The following SCARA5 variants were observed in gnomAD, a reference collection of about 807,000 sequenced individuals.
SCARA5 encodes scavenger receptor class A member 5.
SCARA5 carries 45 observed loss-of-function variants against 46.3 expected under a neutral mutation model. The ratio of observed to expected loss-of-function variants is 0.97; its 90% CI spans 0.76 to 1.24. The LOEUF is 1.24. Ranked by LOEUF, SCARA5 falls within the 50% of genes most tolerant of loss-of-function variation. The pLI is 0.00. For missense variants in SCARA5, 680 were observed against 689.0 expected (o/e 0.99, Z 0.15); for synonymous variants, 333 against 306.5 (o/e 1.09, Z -0.90).
chr8:27,989,111 T>A (rs1265649009), intron 1 of SCARA5, among the ~76,000 whole-genome samples: 1 of 151,224 alleles, frequency 6.6e-6, no homozygotes, highest in East Asian at 1.9e-4. Context: ...TTCTTTTTTT[T>A]TTTCTGTTTC....
chr8:27,884,983 G>A (rs955842683), intron 7 of SCARA5, among the ~76,000 whole-genome samples: 1 of 152,062 alleles, frequency 6.6e-6, no homozygotes, highest in African/African-American at 2.4e-5. Flanking sequence ...TGGACAAGTG[G>A]AGGAGGGAGG....
chr8:27,961,707 C>A (rs1275483356), intron 3 of SCARA5, among the ~76,000 whole-genome samples: 2 of 152,150 alleles, frequency 1.3e-5, no homozygotes, highest in Non-Finnish European at 2.9e-5. Context: ...CTACACGGTC[C>A]TGCCTGTCTC....
intron 3 of SCARA5, among the ~76,000 whole-genome samples, chr8:27,941,390 T>G (rs1807942595): frequency 6.6e-6 from 1 of 152,248 alleles, no homozygotes; most frequent in Admixed American, 6.5e-5. Flanking sequence ...AATTTGTCTT[T>G]CTGAGTCTCT....
At chr8:27,976,320 G>A (rs942456231) in intron 2 of SCARA5, among the ~76,000 whole-genome samples, 2 of 152,184 alleles carry the variant, frequency 1.3e-5, no homozygotes, top group African/African-American at 2.4e-5. Flanking sequence ...CATCAATGCA[G>A]TGAGACTCAA....
At chr8:27,941,834 A>ATTATTATTC (rs1373451902) in intron 3 of SCARA5, among the ~76,000 whole-genome samples, 1 of 147,580 alleles carries the variant, frequency 6.8e-6, no homozygotes, top group Non-Finnish European at 1.5e-5. Flanking sequence ...TATTATTATT[A>ATTATTATTC]TTATTATTTT....
chr8:27,909,572 G>C, intron 5 of SCARA5, 91 bp downstream of exon 5: 2 of 895,218 alleles, frequency 2.2e-6, no homozygotes, highest in Non-Finnish European at 3.5e-6. Context: ...CACTCCCCTG[G>C]GGAGCCCTGG....
chr8:27,871,680 TG>T lies in SCARA5; in HGVS notation c.*253del, dbSNP rs1335203286. On this transcript the variant is annotated 3_prime_UTR_variant, in exon 9 of 9. Transcript: ENST00000354914. ...AGGCTGGGCAAAGTGGTGATCCAGT[TG>T]ATCAGGGCTCCTCATGCAGGAACCT... 8.8e-6 allele frequency: 12 copies of T among 1,363,996 alleles called. 1 individual carries two copies. The East Asian group carries it at 3.4e-4, about 38-fold the overall frequency. 84.5% of individuals were successfully genotyped at this position (1,363,996 alleles called of 1,614,324 possible). A position where few individuals can be genotyped will look rare whatever the true frequency, so the allele number is the denominator to read the frequency against.
chr8:27,908,399 C>T (rs564302879), intron 5 of SCARA5, among the ~76,000 whole-genome samples: 5 of 152,324 alleles, frequency 3.3e-5, no homozygotes, highest in African/African-American at 1.2e-4. Context: ...GAGTGAGAGC[C>T]CTGGCCCCAT....
At position 27,921,838 on chromosome 8, in the gene SCARA5, C is replaced by A; in HGVS notation, c.649G>T (p.Gly217Cys). ...CCGCCCACGTCGGCCAGCTCCTCGC[C>A]CAGGATGCCCACCCTGCGCGCCAGC... ...DGLARRVGIL[G>C]EELADVGGVL... Residue 217 changes from glycine (G) to cysteine (C), a missense_variant, in exon 4 of 9, where the codon GGC becomes TGC. Gly to Cys is a radical substitution (Grantham distance 159, BLOSUM62 -3). Transcript: ENST00000354914. 6.5e-7 allele frequency: 1 copy of A among 1,541,886 alleles called. No homozygotes were observed. The highest frequency in any genetic ancestry group is 8.7e-7 in the Non-Finnish European group (1 of 1,150,144).
intron 7 of SCARA5, among the ~76,000 whole-genome samples, chr8:27,894,474 A>G (rs1807030511): frequency 6.6e-6 from 1 of 152,234 alleles, no homozygotes; most frequent in Non-Finnish European, 1.5e-5. Context: ...CAGTAGCTCC[A>G]GTCTTGACTG....
chr8:27,890,856 C>T (rs985536276), intron 7 of SCARA5, among the ~76,000 whole-genome samples: 2 of 152,236 alleles, frequency 1.3e-5, no homozygotes, highest in African/African-American at 2.4e-5. Context: ...CTTGGGGACA[C>T]AGAGGTATTT....
chr8:27,975,124 G>GTTGA (rs1411821050), intron 2 of SCARA5, among the ~76,000 whole-genome samples: 1 of 152,158 alleles, frequency 6.6e-6, no homozygotes, highest in Non-Finnish European at 1.5e-5. Flanking sequence ...TGAAGGTTGA[G>GTTGA]TTGATCATCA....
At chr8:27,954,825 C>A (rs956142353) in intron 3 of SCARA5, among the ~76,000 whole-genome samples, 1 of 152,206 alleles carries the variant, frequency 6.6e-6, no homozygotes, top group Non-Finnish European at 1.5e-5. Flanking sequence ...GGTCAGGGGA[C>A]AAGTGTTAAT....
At chr8:27,874,637 G>A (rs922446399) in intron 8 of SCARA5, among the ~76,000 whole-genome samples, 2 of 152,186 alleles carry the variant, frequency 1.3e-5, no homozygotes, top group Non-Finnish European at 2.9e-5. Context: ...GAAAATGTTG[G>A]CTGACCCTTG....
Position 27,921,548 on chromosome 8 carries a change from A to G in SCARA5, c.916+23T>C. The G allele has an allele frequency of 2.0e-6, 3 of 1,524,084 alleles. 1 individual carries two copies. In the South Asian group the frequency reaches 3.9e-5, roughly 20 times the overall value. 94.4% of individuals were successfully genotyped at this position (1,524,084 alleles called of 1,614,324 possible). On this transcript the variant is annotated intron_variant, in intron 4 of 8. Coordinates refer to ENST00000354914, the MANE Select transcript of SCARA5 (RefSeq NM_173833.6). ...CCCCATCAGAAGGGGCCGTGGGTGG[A>G]GGCAGCAAGGGCCTGGCGGTACCTT... is the stretch of plus-strand genomic sequence containing the variant.
At chr8:27,919,426 C>T (rs1563525888) in intron 4 of SCARA5, among the ~76,000 whole-genome samples, 1 of 152,054 alleles carries the variant, frequency 6.6e-6, no homozygotes, top group South Asian at 2.1e-4. Flanking sequence ...ATGTATGGCC[C>T]TTGAGTTAAA....
chr8:27,941,363 A>G (rs1361984521), intron 3 of SCARA5, among the ~76,000 whole-genome samples: 4 of 152,220 alleles, frequency 2.6e-5, no homozygotes, highest in Admixed American at 6.5e-5. Context: ...ATGCTGATAC[A>G]TACTCTTGGA....
intron 7 of SCARA5, chr8:27,903,440 A>G (rs1328313607): frequency 1.3e-5 from 2 of 152,334 alleles, no homozygotes; most frequent in Admixed American, 6.5e-5. Flanking sequence ...GGGAAGATCA[A>G]TGAATGAGTA....
At chr8:27,908,494 T>C (rs977429903) in intron 5 of SCARA5, among the ~76,000 whole-genome samples, 2 of 152,230 alleles carry the variant, frequency 1.3e-5, no homozygotes, top group African/African-American at 4.8e-5. Context: ...GCTTGGAATA[T>C]GAGTTGGTTT....
Sources: gnomAD v4.1 joint callset for allele counts (sites outside exome capture counted in the v4.1 genomes callset) on GRCh38, gnomAD v4.1.1 for gene constraint, MANE v1.5 for transcripts, NCBI Gene and HGNC (gene_info 2026-07-23, HGNC 2026-07-21) for gene names.